B3GALT1: variants seen among roughly 807,000 people sequenced by gnomAD.
B3GALT1 encodes UDP-Gal:betaGlcNAc beta 1,3-galactosyltransferase, polypeptide 1.
A neutral mutation model predicts 23.2 loss-of-function variants in B3GALT1; 10 were observed. The observed-to-expected ratio is 0.43, with a 90% CI of 0.27 to 0.73. The LOEUF (loss-of-function observed/expected upper bound fraction) is 0.73, where lower values mean the gene tolerates loss of function less well. Ranked by LOEUF, B3GALT1 falls within the 30% of genes least tolerant of loss-of-function variation. B3GALT1 has a pLI of 0.21. For synonymous variants in B3GALT1, 156 were observed against 141.5 expected (o/e 1.10, Z -0.73); for missense variants, 299 against 405.4 (o/e 0.74, Z 2.25).
chr2:167,427,967 T>G (rs145206511), intron 1 of B3GALT1, among the ~76,000 whole-genome samples: 69 of 152,322 alleles, frequency 4.5e-4, no homozygotes, highest in African/African-American at 1.6e-3. Context: ...CTATTCCTTT[T>G]CTCTGCCATG....
chr2:167,763,417 G>A (rs926482555), intron 3 of B3GALT1, among the ~76,000 whole-genome samples: 1 of 152,138 alleles, frequency 6.6e-6, no homozygotes, highest in African/African-American at 2.4e-5. Context: ...AGAGCTGCAT[G>A]TTTTAAACTA....
intron 1 of B3GALT1, among the ~76,000 whole-genome samples, chr2:167,342,612 A>AT (rs1697167204): frequency 6.6e-6 from 1 of 151,854 alleles, no homozygotes; most frequent in Non-Finnish European, 1.5e-5. Context: ...AGAAAAAAAA[A>AT]CAAAACCAAT....
intron 3 of B3GALT1, among the ~76,000 whole-genome samples, chr2:167,684,924 A>G (rs901346792): frequency 1.3e-5 from 2 of 150,548 alleles, no homozygotes; most frequent in East Asian, 2.0e-4. Flanking sequence ...AAATAGACAC[A>G]TGACAGTTAG....
At chr2:167,394,464 A>G (rs930276519) in intron 1 of B3GALT1, among the ~76,000 whole-genome samples, 6 of 152,116 alleles carry the variant, frequency 3.9e-5, no homozygotes, top group South Asian at 2.1e-4. Context: ...AACAGGATAT[A>G]TTTATATATT....
chr2:167,584,178 G>A (rs562499471), intron 2 of B3GALT1, among the ~76,000 whole-genome samples: 1 of 152,288 alleles, frequency 6.6e-6, no homozygotes, highest in South Asian at 2.1e-4. Context: ...AGGCTGAGTA[G>A]AATATAGCAG....
chr2:167,431,215 A>G (rs1316312011), intron 1 of B3GALT1, among the ~76,000 whole-genome samples: 1 of 152,206 alleles, frequency 6.6e-6, no homozygotes, highest in Non-Finnish European at 1.5e-5. Flanking sequence ...CAGATTTAAT[A>G]TTTTCCTCAG....
At position 167,362,844 on chromosome 2, in the gene B3GALT1, CTTTTATTTTTA is replaced by C. The variant is rs544819433; in HGVS notation, c.-511+69526_-511+69536del. 3.9e-5 allele frequency among the ~76,000 whole-genome samples: 6 copies of C among 152,196 alleles called. 1 individual carries two copies. In the East Asian group the frequency reaches 5.8e-4, roughly 15 times the overall value. On this transcript the variant is annotated intron_variant, in intron 1 of 4. Coordinates refer to ENST00000392690, the MANE Select transcript of B3GALT1 (RefSeq NM_020981.4). ...GTAAAGAAGGCAGCATTCACAAAGA[CTTTTATTTTTA>C]TTTTATTTTTATTTTTTTGAGACGG...
At chr2:167,456,008 T>G (rs1247624319) in intron 1 of B3GALT1, among the ~76,000 whole-genome samples, 3 of 152,144 alleles carry the variant, frequency 2.0e-5, no homozygotes, top group Non-Finnish European at 4.4e-5. Context: ...AGCAGTTGGA[T>G]ATAAGAGAAA....
At chr2:167,340,914 T>C (rs1219718026) in intron 1 of B3GALT1, among the ~76,000 whole-genome samples, 1 of 152,104 alleles carries the variant, frequency 6.6e-6, no homozygotes, top group African/African-American at 2.4e-5. Flanking sequence ...AAAATAGCTA[T>C]AATATTATGT....
chr2:167,557,898 C>T (rs1683882480), intron 2 of B3GALT1, among the ~76,000 whole-genome samples: 1 of 152,282 alleles, frequency 6.6e-6, no homozygotes, highest in African/African-American at 2.4e-5. Context: ...CAGTCTAAAC[C>T]TTTGCAAACT....
chr2:167,528,576 G>C (rs972355509), intron 2 of B3GALT1, among the ~76,000 whole-genome samples: 1 of 152,102 alleles, frequency 6.6e-6, no homozygotes, highest in African/African-American at 2.4e-5. Context: ...ATGGTTGCAT[G>C]ACATTAGACA....
chr2:167,745,948 T>C (rs75191713), intron 3 of B3GALT1, among the ~76,000 whole-genome samples: 5,600 of 152,294 alleles, frequency 0.037, 373 homozygotes, highest in African/African-American at 0.13. Flanking sequence ...TTATTCTTCA[T>C]ATCTCTTAAC....
At chr2:167,660,657 G>C (rs1686043921) in intron 3 of B3GALT1, among the ~76,000 whole-genome samples, 1 of 152,094 alleles carries the variant, frequency 6.6e-6, no homozygotes, top group African/African-American at 2.4e-5. Flanking sequence ...ATATGCACGT[G>C]AGTCTCACTG....
At chr2:167,596,738 C>T (rs1326866846) in intron 2 of B3GALT1, among the ~76,000 whole-genome samples, 1 of 152,034 alleles carries the variant, frequency 6.6e-6, no homozygotes, top group East Asian at 1.9e-4. Context: ...ACATTAGTGC[C>T]CACAGCAGTT....
intron 1 of B3GALT1, among the ~76,000 whole-genome samples, chr2:167,355,820 T>C (rs1187684818): frequency 1.3e-5 from 2 of 152,196 alleles, no homozygotes; most frequent in African/African-American, 2.4e-5. Context: ...ATATCCGTAA[T>C]GGACATTTTT....
chr2:167,872,326 C>T lies in B3GALT1; in HGVS notation c.*2306C>T, dbSNP rs1056269437. On this transcript the variant is annotated 3_prime_UTR_variant, in exon 5 of 5. Coordinates refer to ENST00000392690, the MANE Select transcript of B3GALT1 (RefSeq NM_020981.4). ...GCAAAACACGATCTCTCATCCCCCA[C>T]CCGAAAGGACCTGATATGAGACAAG... 6.6e-6 allele frequency: 1 copy of T among 152,200 alleles called. No homozygotes were observed. Among genetic ancestry groups the T allele is most frequent in the African/African-American group, 2.4e-5 (1 of 41,418 alleles). The allele number at this position is 152,200 out of a possible 1,614,324, so 9.4% of individuals were successfully genotyped here.
intron 1 of B3GALT1, among the ~76,000 whole-genome samples, chr2:167,387,155 T>G (rs1248283742): frequency 6.6e-6 from 1 of 152,238 alleles, no homozygotes; most frequent in Admixed American, 6.5e-5. Context: ...TTAAAAGATA[T>G]GGTAGGCTGT....
At chr2:167,457,376 T>C (rs1441022642) in intron 1 of B3GALT1, among the ~76,000 whole-genome samples, 2 of 151,952 alleles carry the variant, frequency 1.3e-5, no homozygotes, top group Non-Finnish European at 2.9e-5. Context: ...TTTCACCATG[T>C]CGGGCAGGCT....
chr2:167,648,800 C>T (rs190729438), intron 3 of B3GALT1, among the ~76,000 whole-genome samples: 1 of 152,198 alleles, frequency 6.6e-6, no homozygotes. Flanking sequence ...CCTCATACTT[C>T]TGTTTTTCTT....
Sources: gnomAD v4.1 joint callset for allele counts (sites outside exome capture counted in the v4.1 genomes callset) on GRCh38, gnomAD v4.1.1 for gene constraint, MANE v1.5 for transcripts, NCBI Gene and HGNC (gene_info 2026-07-23, HGNC 2026-07-21) for gene names.